ADAM9: variants seen among roughly 807,000 people sequenced by gnomAD.
ADAM9 encodes disintegrin and metalloproteinase domain-containing protein 9.
A neutral mutation model predicts 108.1 loss-of-function variants in ADAM9; 54 were observed. That is an observed-to-expected ratio of 0.50 (90% CI 0.40 to 0.63). ADAM9 has a LOEUF of 0.63. ADAM9 is among the 20% of genes least tolerant of loss of function. The probability of loss-of-function intolerance (pLI) is 0.00; values close to 1 mark genes in which losing one functional copy is unlikely to be tolerated. For missense variants in ADAM9, 830 were observed against 997.7 expected (o/e 0.83, Z 2.26); for synonymous variants, 316 against 336.0 (o/e 0.94, Z 0.65).
chr8:39,027,311 T>A (rs1806203357), intron 11 of ADAM9, among the ~76,000 whole-genome samples: 1 of 152,180 alleles, frequency 6.6e-6, no homozygotes, highest in South Asian at 2.1e-4. Context: ...TATATTTCTA[T>A]TAACAAACCC....
At chr8:39,080,180 A>G in intron 16 of ADAM9, among the ~76,000 whole-genome samples, 1 of 51,764 alleles carries the variant, frequency 1.9e-5, no homozygotes, top group South Asian at 4.3e-4. Context: ...TTGTTTACTT[A>G]ATAACAAAAA....
At chr8:39,077,066 T>C (rs1838871041) in intron 15 of ADAM9, among the ~76,000 whole-genome samples, 162 bp from the exon 16 acceptor site, 1 of 152,214 alleles carries the variant, frequency 6.6e-6, no homozygotes, top group African/African-American at 2.4e-5. Flanking sequence ...TTTTCTGCCG[T>C]ATTTAAAGAG....
rs1170310873 is a variant in ADAM9 at position 39,017,113 on chromosome 8, C to T, written c.411-106C>T. 19 of 1,169,030 alleles carry T rather than the reference C, an allele frequency of 1.6e-5. No individual in the cohort carries two copies. The East Asian group carries it at 3.0e-4, about 18-fold the overall frequency. The allele number at this position is 1,169,030 out of a possible 1,614,324, so 72.4% of individuals were successfully genotyped here. ...CCTCTATTTTCTTCTCTATGTAATG[C>T]TATGCCTACTTACACATTTAAGAAT... On this transcript the variant is annotated intron_variant, in intron 5 of 21. Transcript: ENST00000487273.
intron 1 of ADAM9, among the ~76,000 whole-genome samples, chr8:39,006,103 A>G (rs1447445993): frequency 6.6e-6 from 1 of 151,158 alleles, no homozygotes; most frequent in African/African-American, 2.4e-5. Flanking sequence ...CTGTGTAGAC[A>G]AGGTATGTGG....
At chr8:39,059,663 A>G (rs1160884404) in intron 14 of ADAM9, among the ~76,000 whole-genome samples, 3 of 152,254 alleles carry the variant, frequency 2.0e-5, no homozygotes, top group Admixed American at 1.3e-4. Flanking sequence ...GCCATAGCCC[A>G]TAAATTGGTG....
chr8:39,042,553 A>G (rs997724084), intron 12 of ADAM9, among the ~76,000 whole-genome samples: 1 of 151,958 alleles, frequency 6.6e-6, no homozygotes, highest in East Asian at 1.9e-4. Context: ...AGTTCTTGCT[A>G]CTCAAAGTAG....
At chr8:39,025,725 T>G in intron 9 of ADAM9, 78 bp from the exon 10 acceptor site, 69 of 1,378,186 alleles carry the variant, frequency 5.0e-5, no homozygotes, top group Non-Finnish European at 6.8e-5. Flanking sequence ...CCAATCCAGT[T>G]GAGATTATTC....
chr8:39,023,723 G>A (rs1191337845), intron 9 of ADAM9, among the ~76,000 whole-genome samples: 3 of 148,248 alleles, frequency 2.0e-5, no homozygotes, highest in African/African-American at 5.0e-5. Flanking sequence ...GGCATGCTTT[G>A]AGTTTCTTTT....
chr8:39,045,489 CGTGTGTATACATATGTGT>C (rs1301851204), intron 12 of ADAM9, among the ~76,000 whole-genome samples: 10 of 140,460 alleles, frequency 7.1e-5, no homozygotes, highest in African/African-American at 1.1e-4. Flanking sequence ...CCTATATGTG[CGTGTGTATACATATGTGT>C]GTGTACATAC....
chr8:39,044,922 AT>A (rs1247673792), intron 12 of ADAM9, among the ~76,000 whole-genome samples: 3 of 150,226 alleles, frequency 2.0e-5, no homozygotes, highest in Non-Finnish European at 4.4e-5. Flanking sequence ...ATGTATGTAT[AT>A]ATGTGTGTGC....
rs569403745 is a variant in ADAM9 at position 39,057,220 on chromosome 8, A to G, written c.1591+1448A>G. On this transcript the variant is annotated intron_variant, in intron 14 of 21. Transcript: ENST00000487273. ...TAAGTGCACTCTGTGATGTTTGCAC[A>G]ATGACAAAATCACCTAACAACTCAT... 2.0e-5 allele frequency among the ~76,000 whole-genome samples: 3 copies of G among 152,134 alleles called. No homozygotes were observed. The South Asian group carries it at 6.2e-4, about 32-fold the overall frequency.
intron 16 of ADAM9, among the ~76,000 whole-genome samples, chr8:39,080,495 C>T (rs1386887240): frequency 2.0e-5 from 3 of 152,152 alleles, no homozygotes; most frequent in Admixed American, 6.5e-5. Context: ...CCCAAACTGA[C>T]ATGCCGTTGA....
chr8:39,082,411 G>A (rs1262743022), intron 16 of ADAM9, among the ~76,000 whole-genome samples: 2 of 151,884 alleles, frequency 1.3e-5, no homozygotes, highest in Admixed American at 6.6e-5. Context: ...TTTTATCTTT[G>A]TTTTTGGTCT....
intron 14 of ADAM9, 82 bp downstream of exon 14, chr8:39,055,854 T>C: frequency 7.2e-7 from 1 of 1,396,180 alleles, no homozygotes; most frequent in Non-Finnish European, 9.8e-7. Context: ...AATGAAACAT[T>C]ATTGATAAAG....
intron 9 of ADAM9, 39 bp downstream of exon 9, chr8:39,023,364 CAAA>C (rs1564257140): frequency 6.5e-7 from 1 of 1,548,506 alleles, no homozygotes; most frequent in South Asian, 1.2e-5. Context: ...ATGAAATAAT[CAAA>C]ATAATAATTT....
rs147868313 is a variant in ADAM9 at position 39,095,045 on chromosome 8, G to C, written c.2298+3699G>C. Among the ~76,000 whole-genome samples the C allele has an allele frequency of 4.7e-3, 712 of 152,210 alleles. 1 individual carries two copies. Among genetic ancestry groups the C allele is most frequent in the African/African-American group, 0.016 (684 of 41,552 alleles). On this transcript the variant is annotated intron_variant, in intron 20 of 21. Coordinates refer to ENST00000487273, the MANE Select transcript of ADAM9 (RefSeq NM_003816.3). ...TGTAGGCACTTATTGGTATAGACTT[G>C]CTATAAACTTCCCCCTTAGAATTGC...
At chr8:39,071,176 C>T (rs540881193) in intron 14 of ADAM9, 122 bp from the exon 15 acceptor site, 25 of 773,534 alleles carry the variant, frequency 3.2e-5, no homozygotes, top group East Asian at 1.1e-4. Context: ...AGGTTTTCCA[C>T]GGTGTTGAGG....
At chr8:39,083,329 C>T (rs1467423174) in intron 18 of ADAM9, among the ~76,000 whole-genome samples, 1 of 152,178 alleles carries the variant, frequency 6.6e-6, no homozygotes, top group Non-Finnish European at 1.5e-5. Context: ...ATGTTTCACT[C>T]TACATTACAG....
At chr8:39,084,857 A>G (rs911986812) in intron 18 of ADAM9, among the ~76,000 whole-genome samples, 5 of 151,960 alleles carry the variant, frequency 3.3e-5, no homozygotes, top group African/African-American at 1.2e-4. Context: ...TTTTTGCTTT[A>G]TTTATTATGA....
Sources: allele counts gnomAD v4.1 joint callset (sites outside exome capture counted in the v4.1 genomes callset), GRCh38; gene constraint gnomAD v4.1.1; transcripts MANE v1.5; gene names NCBI Gene and HGNC (gene_info 2026-07-23, HGNC 2026-07-21).